Variants in MAPRE1 observed in about 807,000 individuals in gnomAD.
The protein encoded by MAPRE1 is microtubule associated protein RP/EB family member 1.
Under a neutral mutation model 32.1 loss-of-function variants are expected in MAPRE1, and 5 were observed. That is an observed-to-expected ratio of 0.16 (90% CI 0.08 to 0.33). The LOEUF is 0.33. Ranked by LOEUF, MAPRE1 falls within the 10% of genes least tolerant of loss-of-function variation. The pLI, the probability that MAPRE1 is intolerant of heterozygous loss-of-function variation, is 1.00. For synonymous variants in MAPRE1, 122 were observed against 118.9 expected (o/e 1.03, Z -0.17); for missense variants, 209 against 327.2 (o/e 0.64, Z 2.79).
chr20:32,850,111 G>A lies in MAPRE1; in HGVS notation c.*1383G>A, dbSNP rs1170857285. 6.6e-6 allele frequency: 1 copy of A among 152,588 alleles called. No homozygotes were observed. The highest frequency in any genetic ancestry group is 2.4e-5 in the African/African-American group (1 of 41,436). 9.5% of individuals were successfully genotyped at this position (152,588 alleles called of 1,614,324 possible). On this transcript the variant is annotated 3_prime_UTR_variant, in exon 7 of 7. Transcript: ENST00000375571. The stretch of plus-strand genomic sequence containing the variant: ...TTGTATTGATTTGTTTCTGGTGGTA[G>A]CTTGTCCTGAAATGTGTGTAGAAAG...
intron 3 of MAPRE1, among the ~76,000 whole-genome samples, chr20:32,835,626 G>C (rs977583552): frequency 1.3e-5 from 2 of 149,914 alleles, no homozygotes; most frequent in African/African-American, 4.9e-5. Context: ...TTTTTTTTGA[G>C]ACAGAGTCTC....
chr20:32,826,946 T>C (rs866658245), intron 2 of MAPRE1, among the ~76,000 whole-genome samples: 1 of 152,186 alleles, frequency 6.6e-6, no homozygotes, highest in African/African-American at 2.4e-5. Context: ...CCAGATTGCA[T>C]GTTTTATTTG....
chr20:32,848,550 C>T (rs1983567177), intron 6 of MAPRE1, 122 bp from the exon 7 acceptor site: 2 of 605,456 alleles, frequency 3.3e-6, no homozygotes, highest in Non-Finnish European at 5.7e-6. Context: ...AAATAGCAGT[C>T]ACCTGGCCTG....
At chr20:32,828,525 T>C (rs1982932184) in intron 2 of MAPRE1, among the ~76,000 whole-genome samples, 1 of 152,260 alleles carries the variant, frequency 6.6e-6, no homozygotes, top group Non-Finnish European at 1.5e-5. Context: ...TTCAGTCTGC[T>C]CTGAGCCATG....
At chr20:32,845,924 G>A (rs1298129117) in intron 5 of MAPRE1, among the ~76,000 whole-genome samples, 2 of 152,140 alleles carry the variant, frequency 1.3e-5, no homozygotes, top group East Asian at 3.9e-4. Flanking sequence ...GCTGCTCTGT[G>A]GCCCTGACCT....
intron 2 of MAPRE1, among the ~76,000 whole-genome samples, chr20:32,831,482 C>T (rs1238663926): frequency 1.2e-4 from 18 of 148,196 alleles, no homozygotes; most frequent in Admixed American, 8.8e-4. Flanking sequence ...TTTTTTAACT[C>T]CTGTGCAATT....
At chr20:32,829,767 G>A (rs1302180155) in intron 2 of MAPRE1, among the ~76,000 whole-genome samples, 1 of 152,214 alleles carries the variant, frequency 6.6e-6, no homozygotes, top group African/African-American at 2.4e-5. Flanking sequence ...ACCCCCAACA[G>A]TGAGCTGAGC....
intron 2 of MAPRE1, among the ~76,000 whole-genome samples, chr20:32,830,204 C>T (rs1323746030): frequency 6.6e-6 from 1 of 151,888 alleles, no homozygotes; most frequent in Non-Finnish European, 1.5e-5. Context: ...ATGGTAGATT[C>T]CTTTCTCCTC....
At chr20:32,820,936 C>G (rs1200050033) in intron 1 of MAPRE1, among the ~76,000 whole-genome samples, 1 of 151,964 alleles carries the variant, frequency 6.6e-6, no homozygotes, top group African/African-American at 2.4e-5. Context: ...TAGTTGGGCA[C>G]TTGTTTTGTG....
chr20:32,837,008 G>GTA (rs1288323294), intron 4 of MAPRE1, among the ~76,000 whole-genome samples, 167 bp downstream of exon 4: 7 of 152,208 alleles, frequency 4.6e-5, no homozygotes, highest in African/African-American at 1.7e-4. Context: ...AACGGTGTGT[G>GTA]TCCTTAGGTG....
At chr20:32,826,708 T>C (rs1002791961) in intron 2 of MAPRE1, among the ~76,000 whole-genome samples, 2 of 151,288 alleles carry the variant, frequency 1.3e-5, no homozygotes, top group Admixed American at 6.6e-5. Context: ...TTTGTATTTT[T>C]AGTGGAGACG....
chr20:32,824,153 A>C lies in MAPRE1; in HGVS notation c.-3-1772A>C, dbSNP rs145449100. 1.2e-3 allele frequency among the ~76,000 whole-genome samples: 177 copies of C among 152,322 alleles called. 3 individuals are homozygous for C. Among genetic ancestry groups the C allele is most frequent in the Non-Finnish European group, 2.1e-3 (141 of 68,018 alleles). ...TTTGGTCAGTGTCAGACTTTGCACC[A>C]CTAGAATGTGAACTCCCTGTGGACA... On this transcript the variant is annotated intron_variant, in intron 1 of 6. Coordinates refer to ENST00000375571, the MANE Select transcript of MAPRE1 (RefSeq NM_012325.3).
intron 1 of MAPRE1, 37 bp from the exon 2 acceptor site, chr20:32,825,888 G>A (rs1433040528): frequency 5.9e-6 from 9 of 1,533,868 alleles, no homozygotes; most frequent in East Asian, 2.3e-5. Context: ...CATGCCTAAT[G>A]TAACACAGGC....
chr20:32,830,190 GCAAATGGTAGATT>G, intron 2 of MAPRE1, among the ~76,000 whole-genome samples: 1 of 152,142 alleles, frequency 6.6e-6, no homozygotes, highest in South Asian at 2.1e-4. Context: ...ATGTTCCCAG[GCAAATGGTAGATT>G]CCTTTCTCCT....
chr20:32,820,843 T>C (rs971893133), intron 1 of MAPRE1, among the ~76,000 whole-genome samples: 1 of 152,074 alleles, frequency 6.6e-6, no homozygotes, highest in African/African-American at 2.4e-5. Context: ...CTGGGGCCCA[T>C]TGAGGGAGGT....
chr20:32,834,347 T>A (rs1983125673), intron 3 of MAPRE1, among the ~76,000 whole-genome samples: 1 of 152,218 alleles, frequency 6.6e-6, no homozygotes, highest in Non-Finnish European at 1.5e-5. Context: ...GGCTCCGTGG[T>A]GGGTGCTGGA....
At chr20:32,827,852 G>A (rs955484288) in intron 2 of MAPRE1, among the ~76,000 whole-genome samples, 2 of 149,624 alleles carry the variant, frequency 1.3e-5, no homozygotes, top group African/African-American at 2.5e-5. Context: ...CCGAGATCAT[G>A]CCACTGCACT....
intron 4 of MAPRE1, among the ~76,000 whole-genome samples, chr20:32,838,206 C>T (rs1034228031): frequency 6.6e-6 from 1 of 152,166 alleles, no homozygotes; most frequent in East Asian, 1.9e-4. Context: ...CTGGATTTGC[C>T]AGTTCTAAAC....
chr20:32,834,798 AAGT>A (rs1983139774), intron 3 of MAPRE1, among the ~76,000 whole-genome samples: 1 of 152,210 alleles, frequency 6.6e-6, no homozygotes, highest in Non-Finnish European at 1.5e-5. Flanking sequence ...AAGTATATAA[AAGT>A]AATAATAGTG....
Sources: allele counts gnomAD v4.1 joint callset (sites outside exome capture counted in the v4.1 genomes callset), GRCh38; gene constraint gnomAD v4.1.1; transcripts MANE v1.5; gene names NCBI Gene and HGNC (gene_info 2026-07-23, HGNC 2026-07-21).